RBM47: variants seen among roughly 807,000 people sequenced by gnomAD.
RBM47 encodes RNA binding motif protein 47, also known as RNA-binding protein 47.
In RBM47, 21 loss-of-function variants were observed where a neutral mutation model predicts 47.1. The ratio of observed to expected loss-of-function variants is 0.45; its 90% CI spans 0.32 to 0.64. RBM47 has a LOEUF of 0.64. Ranked by LOEUF, RBM47 falls within the 30% of genes least tolerant of loss-of-function variation. RBM47 has a pLI of 0.05. For missense variants in RBM47, 708 were observed against 870.9 expected (o/e 0.81, Z 2.35); for synonymous variants, 375 against 361.7 (o/e 1.04, Z -0.42).
At chr4:40,529,297 C>T (rs1727114293) in intron 2 of RBM47, among the ~76,000 whole-genome samples, 1 of 151,536 alleles carries the variant, frequency 6.6e-6, no homozygotes, top group East Asian at 1.9e-4. Context: ...CACTTGAGGT[C>T]AGGAGTTTGA....
At chr4:40,431,178 C>A (rs1715932646) in intron 6 of RBM47, among the ~76,000 whole-genome samples, 2 of 152,156 alleles carry the variant, frequency 1.3e-5, no homozygotes, top group South Asian at 2.1e-4. Context: ...TGATTCACTG[C>A]CTCACAGAAA....
intron 2 of RBM47, among the ~76,000 whole-genome samples, chr4:40,540,649 AAAAATAAT>A (rs1728430389): frequency 9.1e-6 from 1 of 110,176 alleles, no homozygotes; most frequent in African/African-American, 4.0e-5. Context: ...AAAAAAAAAA[AAAAATAAT>A]AATAATAATA....
At chr4:40,434,002 G>GGT (rs1166329290) in intron 5 of RBM47, among the ~76,000 whole-genome samples, 1,657 of 45,670 alleles carry the variant, frequency 0.036, 247 homozygotes, top group African/African-American at 0.062. Context: ...GTGGGGCGGG[G>GGT]GTGTGTGTGT....
chr4:40,620,195 G>GAA lies in RBM47; in HGVS notation c.-240+9199_-240+9200dup, dbSNP rs200356171. ...TGGGCGATAGAGTGAGACTCAGTATGAAAAAAAAAAAAAAAAAAAAAAAAA... is the reference window on the plus strand; with the variant it reads ...TGGGCGATAGAGTGAGACTCAGTATGAAAAAAAAAAAAAAAAAAAAAAAAAAA... On this transcript the variant is annotated intron_variant, in intron 1 of 6. Transcript: ENST00000295971. Among the ~76,000 whole-genome samples, 162 of 80,176 alleles carry GAA rather than the reference G, an allele frequency of 2.0e-3. 2 individuals are homozygous for GAA. The highest frequency in any genetic ancestry group is 8.0e-3 in the African/African-American group (136 of 16,912). 52.6% of individuals were successfully genotyped at this position (80,176 alleles called of 152,430 possible). A position where few individuals can be genotyped will look rare whatever the true frequency, so the allele number is the denominator to read the frequency against.
chr4:40,545,297 C>T (rs959574173), intron 1 of RBM47, among the ~76,000 whole-genome samples: 3 of 149,846 alleles, frequency 2.0e-5, no homozygotes, highest in South Asian at 2.1e-4. Flanking sequence ...ATGATCTGCC[C>T]GCCTCAGCCT....
Position 40,517,244 on chromosome 4 carries a change from C to A in RBM47, c.-155+27178G>T, listed in dbSNP as rs186130419. ...CCACCTCCCAGATTCAAGAGATTCT[C>A]CTGCCCCAGCCTCCTGCGTAGCTGG... On this transcript the variant is annotated intron_variant, in intron 2 of 6. Coordinates refer to ENST00000295971, the MANE Select transcript of RBM47 (RefSeq NM_001098634.2). 1.7e-3 allele frequency among the ~76,000 whole-genome samples: 261 copies of A among 152,244 alleles called. 1 individual carries two copies. Among genetic ancestry groups the A allele is most frequent in the African/African-American group, 5.9e-3 (247 of 41,538 alleles).
chr4:40,439,143 A>G (rs886636285), intron 3 of RBM47, among the ~76,000 whole-genome samples: 1 of 146,706 alleles, frequency 6.8e-6, no homozygotes, highest in African/African-American at 2.5e-5. Context: ...GTTAGGAGAG[A>G]AAAAAAAAAA....
At chr4:40,565,233 C>T (rs535290106) in intron 1 of RBM47, among the ~76,000 whole-genome samples, 1 of 152,148 alleles carries the variant, frequency 6.6e-6, no homozygotes, top group African/African-American at 2.4e-5. Flanking sequence ...TCTGAACTCC[C>T]CCAGTGATGT....
At chr4:40,447,959 C>G (rs956135641) in intron 3 of RBM47, among the ~76,000 whole-genome samples, 1 of 151,976 alleles carries the variant, frequency 6.6e-6, no homozygotes, top group Non-Finnish European at 1.5e-5. Flanking sequence ...TGCAGTGAGC[C>G]GAGATCGTGC....
At chr4:40,532,375 C>T (rs1403631995) in intron 2 of RBM47, among the ~76,000 whole-genome samples, 2 of 138,902 alleles carry the variant, frequency 1.4e-5, no homozygotes, top group African/African-American at 2.8e-5. Context: ...TGCAGTGGCA[C>T]GATCTCGGCT....
In RBM47 at chr4:40,437,749, CAGG is replaced by C. The variant is rs1333781582; in HGVS notation, c.1123+19_1123+21del. 4 of 1,579,314 alleles carry C rather than the reference CAGG, an allele frequency of 2.5e-6. No homozygotes were observed. The African/African-American group carries it at 4.0e-5, about 16-fold the overall frequency. ...AGGCAACGTTCTTGGGGGCCCCACCCAGGAGAAGAGCCCCCACTAACCTTTCAC... is the reference window on the plus strand; with the variant it reads ...AGGCAACGTTCTTGGGGGCCCCACCCAGAAGAGCCCCCACTAACCTTTCAC... On this transcript the variant is annotated intron_variant, in intron 4 of 6. Coordinates refer to ENST00000295971, the MANE Select transcript of RBM47 (RefSeq NM_001098634.2).
intron 2 of RBM47, among the ~76,000 whole-genome samples, chr4:40,488,883 G>C (rs1721485934): frequency 6.6e-6 from 1 of 152,178 alleles, no homozygotes; most frequent in African/African-American, 2.4e-5. Context: ...AATCCTATGA[G>C]GTACTAATTA....
chr4:40,534,828 T>G (rs1045386025), intron 2 of RBM47, among the ~76,000 whole-genome samples: 4 of 150,836 alleles, frequency 2.7e-5, no homozygotes, highest in South Asian at 4.2e-4. Flanking sequence ...TCAGCTACTC[T>G]GGAGGCTGAG....
intron 1 of RBM47, among the ~76,000 whole-genome samples, chr4:40,556,422 T>C (rs1192641815): frequency 2.0e-5 from 3 of 148,210 alleles, no homozygotes; most frequent in Admixed American, 2.0e-4. Context: ...ATGCCTGTAA[T>C]CCCAGCACTT....
intron 1 of RBM47, among the ~76,000 whole-genome samples, chr4:40,570,134 A>G (rs1731570123): frequency 6.6e-6 from 1 of 152,070 alleles, no homozygotes; most frequent in African/African-American, 2.4e-5. Flanking sequence ...GACCGGTTTC[A>G]TGGAAGACAA....
At chr4:40,502,955 C>T (rs992804859) in intron 2 of RBM47, among the ~76,000 whole-genome samples, 23 of 107,776 alleles carry the variant, frequency 2.1e-4, no homozygotes, top group Non-Finnish European at 3.5e-4. Context: ...TCCTCGTCAA[C>T]ATAGTGTAAC....
intron 1 of RBM47, among the ~76,000 whole-genome samples, chr4:40,591,652 C>G (rs1177880043): frequency 6.6e-6 from 1 of 152,086 alleles, no homozygotes. Flanking sequence ...TGAGATCACA[C>G]CATTGCACTC....
chr4:40,610,979 G>A (rs1044334121), intron 1 of RBM47, among the ~76,000 whole-genome samples: 1 of 152,050 alleles, frequency 6.6e-6, no homozygotes, highest in African/African-American at 2.4e-5. Flanking sequence ...TCCCAGTCTC[G>A]GGTATGTTTT....
At chr4:40,549,524 G>GTTTTT (rs11381654) in intron 1 of RBM47, among the ~76,000 whole-genome samples, 1 of 132,758 alleles carries the variant, frequency 7.5e-6, no homozygotes, top group Admixed American at 7.8e-5. Context: ...TTGTTTGTTC[G>GTTTTT]TTTTTTTTTT....
Sources: gnomAD v4.1 joint callset for allele counts (sites outside exome capture counted in the v4.1 genomes callset) on GRCh38, gnomAD v4.1.1 for gene constraint, MANE v1.5 for transcripts, NCBI Gene and HGNC (gene_info 2026-07-23, HGNC 2026-07-21) for gene names.